Variants in HAO1 observed in about 807,000 individuals in gnomAD.
The protein encoded by HAO1 is 2-Hydroxyacid oxidase 1.
A neutral mutation model predicts 39.7 loss-of-function variants in HAO1; 34 were observed. The ratio of observed to expected loss-of-function variants is 0.86; its 90% CI spans 0.65 to 1.14. The LOEUF (loss-of-function observed/expected upper bound fraction) is 1.14. HAO1 is among the 50% of genes most tolerant of loss of function. The pLI is 0.00. For synonymous variants in HAO1, 172 were observed against 173.2 expected (o/e 0.99, Z 0.05); for missense variants, 479 against 464.5 (o/e 1.03, Z -0.29).
intron 4 of HAO1, among the ~76,000 whole-genome samples, chr20:7,896,277 T>G (rs2050197286): frequency 6.6e-6 from 1 of 152,140 alleles, no homozygotes. Context: ...ACAACACTGG[T>G]TCTCAGGTTT....
At chr20:7,931,540 G>C (rs542303235) in intron 2 of HAO1, among the ~76,000 whole-genome samples, 1 of 152,170 alleles carries the variant, frequency 6.6e-6, no homozygotes, top group East Asian at 1.9e-4. Context: ...TTAATAATAT[G>C]ATCGATTTAT....
chr20:7,904,633 C>A (rs949509749), intron 4 of HAO1, among the ~76,000 whole-genome samples: 2 of 152,188 alleles, frequency 1.3e-5, no homozygotes, highest in African/African-American at 2.4e-5. Flanking sequence ...TTCTATGCAA[C>A]ATTTTATTGC....
At chr20:7,915,638 G>A (rs990251044) in intron 2 of HAO1, among the ~76,000 whole-genome samples, 10 of 152,250 alleles carry the variant, frequency 6.6e-5, no homozygotes, top group African/African-American at 1.9e-4. Flanking sequence ...TGTATCTATC[G>A]AGAGAGAAAA....
chr20:7,909,373 ATATATG>A (rs1306640059), intron 3 of HAO1, among the ~76,000 whole-genome samples: 2,518 of 100,960 alleles, frequency 0.025, 137 homozygotes, highest in African/African-American at 0.11. Context: ...ATATATATAT[ATATATG>A]TATATATATA....
intron 3 of HAO1, 121 bp from the exon 4 acceptor site, chr20:7,906,450 A>G (rs777628464): frequency 6.3e-6 from 4 of 638,076 alleles, no homozygotes; most frequent in Non-Finnish European, 8.3e-6. Flanking sequence ...TCATTTATCT[A>G]TAAGTCAATT....
intron 3 of HAO1, among the ~76,000 whole-genome samples, chr20:7,910,189 A>G (rs2050271850): frequency 6.6e-6 from 1 of 152,240 alleles, no homozygotes; most frequent in Non-Finnish European, 1.5e-5. Flanking sequence ...AGCATAATCA[A>G]TAAATTACAA....
chr20:7,892,957 G>T (rs2050180807), intron 5 of HAO1, among the ~76,000 whole-genome samples: 1 of 152,140 alleles, frequency 6.6e-6, no homozygotes, highest in South Asian at 2.1e-4. Context: ...AATTCCCTCT[G>T]TCCTTCTGCA....
chr20:7,907,370 G>C (rs938833104), intron 3 of HAO1, among the ~76,000 whole-genome samples: 1 of 152,078 alleles, frequency 6.6e-6, no homozygotes, highest in Non-Finnish European at 1.5e-5. Flanking sequence ...CTCCCTCACC[G>C]CTAGGTAGAC....
chr20:7,931,824 T>C (rs1272772378), intron 2 of HAO1, among the ~76,000 whole-genome samples: 10 of 152,090 alleles, frequency 6.6e-5, no homozygotes, highest in Admixed American at 4.6e-4. Flanking sequence ...AACCATCAAA[T>C]GTGACTTGGA....
At chr20:7,902,835 A>T (rs993866581) in intron 4 of HAO1, among the ~76,000 whole-genome samples, 1 of 152,218 alleles carries the variant, frequency 6.6e-6, no homozygotes, top group African/African-American at 2.4e-5. Flanking sequence ...CTTGCGTTGA[A>T]GTTCTCTAAG....
At chr20:7,907,200 A>G (rs1021028504) in intron 3 of HAO1, among the ~76,000 whole-genome samples, 1 of 152,114 alleles carries the variant, frequency 6.6e-6, no homozygotes, top group Non-Finnish European at 1.5e-5. Flanking sequence ...TGCTGACTCA[A>G]ACTTCTCTAA....
rs780268660 is a variant in HAO1 at position 7,914,210 on chromosome 20, G to A, written c.499C>T (p.Arg167Cys). ...VTVDTPYLGN[R>C]LDDVRNRFKL... ...AATCTGTTACGCACATCATCCAGAC[G>A]GTTGCCCAGGTAAGGTGTGTCCACT... The change falls in exon 3 of 8, where the codon CGT becomes TGT. Residue 167 changes from arginine to cysteine, a missense_variant. Arg to Cys is a radical substitution (Grantham distance 180). Transcript: ENST00000378789. The A allele has an allele frequency of 3.0e-5, 49 of 1,613,880 alleles. No individual in the cohort carries two copies. Among genetic ancestry groups the A allele is most frequent in the Non-Finnish European group, 3.9e-5 (46 of 1,179,962 alleles).
chr20:7,902,723 A>T (rs1020204921), intron 4 of HAO1, among the ~76,000 whole-genome samples: 1 of 152,158 alleles, frequency 6.6e-6, no homozygotes, highest in African/African-American at 2.4e-5. Flanking sequence ...AAGAAAAAGA[A>T]AAGAACTCTA....
intron 5 of HAO1, among the ~76,000 whole-genome samples, chr20:7,886,724 T>C (rs556793130): frequency 6.6e-6 from 1 of 152,342 alleles, no homozygotes; most frequent in Admixed American, 6.5e-5. Context: ...TGATTGGCAG[T>C]TGGTGATGAT....
intron 4 of HAO1, among the ~76,000 whole-genome samples, chr20:7,903,138 A>C (rs2050228348): frequency 6.6e-6 from 1 of 152,248 alleles, no homozygotes; most frequent in South Asian, 2.1e-4. Flanking sequence ...CAGATTGAGC[A>C]TATGTGTTAC....
At chr20:7,936,853 A>G (rs2050414875) in intron 1 of HAO1, among the ~76,000 whole-genome samples, 1 of 152,146 alleles carries the variant, frequency 6.6e-6, no homozygotes, top group South Asian at 2.1e-4. Context: ...TATTTTTCAA[A>G]TAGTAGTAAC....
At chr20:7,915,773 G>T (rs2050304141) in intron 2 of HAO1, among the ~76,000 whole-genome samples, 1 of 152,050 alleles carries the variant, frequency 6.6e-6, no homozygotes, top group Non-Finnish European at 1.5e-5. Context: ...ATTAAGGAAA[G>T]AAAAAAGTTT....
At chr20:7,920,088 C>A (rs566650075) in intron 2 of HAO1, among the ~76,000 whole-genome samples, 1 of 152,230 alleles carries the variant, frequency 6.6e-6, no homozygotes, top group African/African-American at 2.4e-5. Flanking sequence ...AGGCAGGGAA[C>A]TGTAATCCCC....
intron 2 of HAO1, among the ~76,000 whole-genome samples, chr20:7,918,012 C>T (rs1462807462): frequency 2.6e-5 from 4 of 152,170 alleles, no homozygotes; most frequent in Non-Finnish European, 4.4e-5. Flanking sequence ...TATTGCTGCT[C>T]AGTGATTATT....
Sources: gnomAD v4.1 joint callset for allele counts (sites outside exome capture counted in the v4.1 genomes callset) on GRCh38, gnomAD v4.1.1 for gene constraint, MANE v1.5 for transcripts, NCBI Gene and HGNC (gene_info 2026-07-23, HGNC 2026-07-21) for gene names.